CEP128: variants seen among roughly 807,000 people sequenced by gnomAD.
The protein encoded by CEP128 is centrosomal protein 128kDa.
A neutral mutation model predicts 156.7 loss-of-function variants in CEP128; 132 were observed. The ratio of observed to expected loss-of-function variants is 0.84; its 90% CI spans 0.73 to 0.97. The LOEUF (loss-of-function observed/expected upper bound fraction) is 0.97, where lower values mean the gene tolerates loss of function less well. CEP128 is among the 50% of genes least tolerant of loss of function. The probability of loss-of-function intolerance (pLI) is 0.00; values close to 1 mark genes in which losing one functional copy is unlikely to be tolerated. For synonymous variants in CEP128, 469 were observed against 448.9 expected, an observed-to-expected ratio of 1.04 and a Z score of -0.57; for missense variants, 1,252 against 1,281.9, an observed-to-expected ratio of 0.98 and a Z score of 0.36.
intron 2 of CEP128, among the ~76,000 whole-genome samples, chr14:80,925,801 G>A (rs925572635): frequency 7.2e-5 from 11 of 152,112 alleles, no homozygotes; most frequent in African/African-American, 2.7e-4. Context: ...GAGGAAAACT[G>A]GGAGTTGCCA....
At chr14:80,610,391 T>A (rs1022760091) in intron 19 of CEP128, among the ~76,000 whole-genome samples, 1 of 152,138 alleles carries the variant, frequency 6.6e-6, no homozygotes, top group Non-Finnish European at 1.5e-5. Context: ...TAACATATCA[T>A]GTAGTAAGAG....
chr14:80,620,049 C>T (rs772815697), intron 19 of CEP128, among the ~76,000 whole-genome samples: 3 of 151,164 alleles, frequency 2.0e-5, no homozygotes, highest in African/African-American at 7.3e-5. Context: ...CACTTGAACT[C>T]GGGAGGCGGA....
chr14:80,598,498 T>C (rs186494974), intron 19 of CEP128, among the ~76,000 whole-genome samples: 2 of 152,148 alleles, frequency 1.3e-5, no homozygotes, highest in Non-Finnish European at 2.9e-5. Flanking sequence ...TAAGACGTAC[T>C]GTATTCATGG....
intron 18 of CEP128, among the ~76,000 whole-genome samples, chr14:80,752,350 A>T (rs1001334022): frequency 2.0e-5 from 3 of 152,206 alleles, no homozygotes; most frequent in Admixed American, 1.3e-4. Context: ...TCAACCTAAA[A>T]ATATGTAATT....
chr14:80,764,018 T>A (rs1211075049), intron 16 of CEP128, among the ~76,000 whole-genome samples: 1 of 152,218 alleles, frequency 6.6e-6, no homozygotes, highest in Non-Finnish European at 1.5e-5. Flanking sequence ...AATGTTATAA[T>A]TGATCTTTCT....
At chr14:80,822,802 G>C (rs764212405) in intron 13 of CEP128, 2 of 747,096 alleles carry the variant, frequency 2.7e-6, no homozygotes, top group African/African-American at 1.7e-5. Context: ...AGTGAAGTGT[G>C]TGCATTTTTG....
At chr14:80,766,436 T>C (rs1410525220) in intron 16 of CEP128, among the ~76,000 whole-genome samples, 2 of 152,196 alleles carry the variant, frequency 1.3e-5, no homozygotes, top group African/African-American at 2.4e-5. Flanking sequence ...GCATGCTCTT[T>C]ACAACTCAGA....
At chr14:80,901,015 G>A (rs1014526301) in intron 6 of CEP128, among the ~76,000 whole-genome samples, 1 of 151,830 alleles carries the variant, frequency 6.6e-6, no homozygotes, top group Non-Finnish European at 1.5e-5. Context: ...GACCATCCTG[G>A]CTAACACGGT....
chr14:80,678,050 ATATATATATATATGTAT>A (rs1211450960), intron 19 of CEP128, among the ~76,000 whole-genome samples: 1 of 30,356 alleles, frequency 3.3e-5, no homozygotes, highest in Non-Finnish European at 8.9e-5. Context: ...TAAAAAAAAA[ATATATATATATATGTAT>A]ATATATATAT....
chr14:80,718,163 A>C lies in CEP128; in HGVS notation c.2806+24912T>G, dbSNP rs189198996. On this transcript the variant is annotated intron_variant, in intron 19 of 24. Transcript: ENST00000555265. The stretch of plus-strand genomic sequence containing the variant: ...ACTTTTTCATGTAGTTGAAGGTGTG[A>C]ATGACATGAGGTGTGAATAATATCA... 9.8e-5 allele frequency among the ~76,000 whole-genome samples: 15 copies of C among 152,332 alleles called. No homozygotes were observed. In the East Asian group the frequency reaches 1.9e-3, roughly 20 times the overall value.
At chr14:80,853,601 TACAG>T (rs2140126622) in intron 9 of CEP128, among the ~76,000 whole-genome samples, 1 of 152,122 alleles carries the variant, frequency 6.6e-6, no homozygotes, top group African/African-American at 2.4e-5. Context: ...AAGACATTTA[TACAG>T]ACAATTATAA....
At chr14:80,864,811 C>A (rs1887689927) in intron 8 of CEP128, among the ~76,000 whole-genome samples, 1 of 152,170 alleles carries the variant, frequency 6.6e-6, no homozygotes, top group African/African-American at 2.4e-5. Context: ...CCCACCTTGG[C>A]CTCCCAAAAT....
intron 12 of CEP128, among the ~76,000 whole-genome samples, chr14:80,833,677 A>G (rs1307834190): frequency 6.6e-6 from 1 of 152,134 alleles, no homozygotes; most frequent in African/African-American, 2.4e-5. Flanking sequence ...ATAAGAAATA[A>G]GAATAGTGCC....
chr14:80,800,986 T>C (rs1434979525), intron 13 of CEP128, among the ~76,000 whole-genome samples: 2 of 152,172 alleles, frequency 1.3e-5, no homozygotes, highest in African/African-American at 4.8e-5. Flanking sequence ...ATTGGGTCAC[T>C]TATGGAAAGG....
intron 19 of CEP128, among the ~76,000 whole-genome samples, chr14:80,733,039 A>C (rs1429899316): frequency 6.6e-6 from 1 of 152,200 alleles, no homozygotes; most frequent in Non-Finnish European, 1.5e-5. Context: ...CATTTGAATC[A>C]GTAGACCGAA....
chr14:80,599,466 G>A (rs926489177), intron 19 of CEP128, among the ~76,000 whole-genome samples: 7 of 151,364 alleles, frequency 4.6e-5, no homozygotes, highest in Non-Finnish European at 1.0e-4. Flanking sequence ...TAGTAGAGAC[G>A]GGGTTTCACC....
intron 18 of CEP128, among the ~76,000 whole-genome samples, chr14:80,748,171 A>C (rs1437602980): frequency 2.6e-5 from 4 of 152,202 alleles, no homozygotes; most frequent in Admixed American, 6.5e-5. Flanking sequence ...GGCTAAATGT[A>C]GGAAATCTGC....
At chr14:80,769,967 C>A (rs1247726223) in intron 16 of CEP128, among the ~76,000 whole-genome samples, 1 of 152,160 alleles carries the variant, frequency 6.6e-6, no homozygotes, top group Non-Finnish European at 1.5e-5. Context: ...CGGCTTTTTT[C>A]ACCTCAACCA....
At chr14:80,738,735 T>A (rs1327648445) in intron 19 of CEP128, among the ~76,000 whole-genome samples, 2 of 152,182 alleles carry the variant, frequency 1.3e-5, no homozygotes, top group Non-Finnish European at 1.5e-5. Flanking sequence ...TGTTTATAAT[T>A]TATAAATTAA....
Sources: gnomAD v4.1 joint callset for allele counts (sites outside exome capture counted in the v4.1 genomes callset) on GRCh38, gnomAD v4.1.1 for gene constraint, MANE v1.5 for transcripts, NCBI Gene and HGNC (gene_info 2026-07-23, HGNC 2026-07-21) for gene names.